Variants in C12orf60 observed in about 807,000 individuals in gnomAD.
The protein encoded by C12orf60 is uncharacterized protein C12orf60.
For synonymous variants in C12orf60, 102 were observed against 94.6 expected, an observed-to-expected ratio of 1.08 and a Z score of -0.45; for missense variants, 284 against 283.2, an observed-to-expected ratio of 1.00 and a Z score of -0.02.
intron 1 of C12orf60, among the ~76,000 whole-genome samples, chr12:14,812,443 CAA>C (rs1260022264): frequency 2.2e-5 from 3 of 138,776 alleles, no homozygotes; most frequent in Admixed American, 7.2e-5. Flanking sequence ...GACTCCGTCT[CAA>C]AAAAAAAAAA....
chr12:14,806,741 G>C lies in C12orf60; in HGVS notation c.-25+2990G>C, dbSNP rs1185906981. On this transcript the variant is annotated intron_variant, in intron 1 of 1. Coordinates refer to ENST00000330828, the MANE Select transcript of C12orf60 (RefSeq NM_175874.4). Reference sequence around the variant, plus strand: ...ATTTTTACTGAAAGTCTTAAAAAATGTCTGCTAACTGTGTAGAAGGGACTA... The same window carrying C: ...ATTTTTACTGAAAGTCTTAAAAAATCTCTGCTAACTGTGTAGAAGGGACTA... 7 of 1,495,570 alleles carry C rather than the reference G, an allele frequency of 4.7e-6. No individual in the cohort carries two copies. In the Admixed American group the frequency reaches 1.3e-4, roughly 28 times the overall value. The allele number at this position is 1,495,570 out of a possible 1,614,324, so 92.6% of individuals were successfully genotyped here. A position where few individuals can be genotyped will look rare whatever the true frequency, so the allele number is the denominator to read the frequency against.
rs199753169 is a variant in C12orf60 at position 14,823,615 on chromosome 12, A to G, written c.680A>G (p.Lys227Arg). 71 of 1,605,936 alleles carry G rather than the reference A, an allele frequency of 4.4e-5. No individual in the cohort carries two copies. The highest frequency in any genetic ancestry group is 5.7e-5 in the Non-Finnish European group (67 of 1,177,850). The change falls in exon 2 of 2, where the codon AAA becomes AGA. Residue 227 changes from lysine (K) to arginine (R), a missense_variant. By Grantham distance (26) the Lys-to-Arg change is conservative (BLOSUM62 2). Transcript: ENST00000330828. ...GGACCAATCTTAGAGATCCTCCAAAAAGCGATAAAGACTATGGAAATGAAT... is the reference window on the plus strand; with the variant it reads ...GGACCAATCTTAGAGATCCTCCAAAGAGCGATAAAGACTATGGAAATGAAT... The part of the protein sequence containing the change: ...AMGPILEILQ[K>R]AIKTMEMNIS...
chr12:14,812,679 T>A, intron 1 of C12orf60, among the ~76,000 whole-genome samples: 1 of 152,082 alleles, frequency 6.6e-6, no homozygotes, highest in East Asian at 1.9e-4. Flanking sequence ...GTATCGTAAA[T>A]TGCATTCCAA....
intron 1 of C12orf60, among the ~76,000 whole-genome samples, chr12:14,807,865 A>G (rs571951924): frequency 2.0e-5 from 3 of 152,298 alleles, no homozygotes; most frequent in South Asian, 2.1e-4. Context: ...CCATTTTACA[A>G]AAGTATTAAA....
chr12:14,810,046 T>G (rs1009126380), intron 1 of C12orf60, among the ~76,000 whole-genome samples: 1 of 152,244 alleles, frequency 6.6e-6, no homozygotes, highest in Non-Finnish European at 1.5e-5. Context: ...AGTTCATGAC[T>G]TCGTTCCAAT....
chr12:14,821,545 C>A (rs1272039818), intron 1 of C12orf60, among the ~76,000 whole-genome samples: 2 of 152,200 alleles, frequency 1.3e-5, no homozygotes, highest in Admixed American at 1.3e-4. Flanking sequence ...TTCACACAAT[C>A]TACTTAGAAT....
At chr12:14,806,151 C>G in intron 1 of C12orf60, 1 of 1,614,014 alleles carries the variant, frequency 6.2e-7, no homozygotes, top group East Asian at 2.2e-5. Flanking sequence ...CAGGATGGCA[C>G]GGACAATCAT....
At chr12:14,812,654 T>C (rs1336864389) in intron 1 of C12orf60, among the ~76,000 whole-genome samples, 1 of 152,158 alleles carries the variant, frequency 6.6e-6, no homozygotes, top group Non-Finnish European at 1.5e-5. Flanking sequence ...ATTAAATTTT[T>C]ATTACTTTTG....
chr12:14,814,232 T>TA, intron 1 of C12orf60: 1 of 152,220 alleles, frequency 6.6e-6, no homozygotes, highest in Admixed American at 6.5e-5. Context: ...TGTGATGACT[T>TA]ACAGACTTTG....
chr12:14,823,257 C>G lies in C12orf60; in HGVS notation c.322C>G (p.His108Asp). ...VQKSTNVEELHQSAKEVFKSA... is the reference protein window; with the variant it reads ...VQKSTNVEELDQSAKEVFKSA... Reference sequence around the variant, plus strand: ...GAAGAGTACCAATGTAGAGGAGTTGCATCAGTCAGCTAAAGAAGTATTCAA... The same window carrying G: ...GAAGAGTACCAATGTAGAGGAGTTGGATCAGTCAGCTAAAGAAGTATTCAA... The change falls in exon 2 of 2, where the codon CAT (histidine) becomes GAT (aspartate). Residue 108 changes from histidine (H) to aspartate (D), a missense_variant. Physicochemically the swap from His to Asp is moderately conservative, Grantham distance 81. Coordinates refer to ENST00000330828, the MANE Select transcript of C12orf60 (RefSeq NM_175874.4). 1 of 1,614,062 alleles carries G rather than the reference C, an allele frequency of 6.2e-7. No homozygotes were observed.
At position 14,806,131 on chromosome 12, in the gene C12orf60, C is replaced by G. The variant is rs767616071; in HGVS notation, c.-25+2380C>G. The G allele has an allele frequency of 5.0e-6, 8 of 1,614,094 alleles. No homozygotes were observed. The South Asian group carries it at 8.8e-5, about 18-fold the overall frequency. ...ATGGCTGCTTGAAGCTGTGTTTTTT[C>G]CACTGCTCCCAGGATGGCACGGACA... On this transcript the variant is annotated intron_variant, in intron 1 of 1. Coordinates refer to ENST00000330828, the MANE Select transcript of C12orf60 (RefSeq NM_175874.4).
chr12:14,808,834 A>G (rs945283924), intron 1 of C12orf60, among the ~76,000 whole-genome samples: 2 of 152,194 alleles, frequency 1.3e-5, no homozygotes, highest in Non-Finnish European at 2.9e-5. Flanking sequence ...TTTCCACAAA[A>G]CAATACTTAG....
intron 1 of C12orf60, chr12:14,806,708 A>C: frequency 6.5e-7 from 1 of 1,548,552 alleles, no homozygotes; most frequent in South Asian, 1.2e-5. Flanking sequence ...TGAAAAATAA[A>C]ATGGTAAATT....
chr12:14,819,253 C>G (rs979860958), intron 1 of C12orf60, among the ~76,000 whole-genome samples: 1 of 152,002 alleles, frequency 6.6e-6, no homozygotes, highest in Non-Finnish European at 1.5e-5. Flanking sequence ...ACAGATTATG[C>G]ACATATATTC....
intron 1 of C12orf60, among the ~76,000 whole-genome samples, chr12:14,815,258 T>G (rs945756001): frequency 2.6e-5 from 4 of 152,206 alleles, no homozygotes; most frequent in African/African-American, 9.7e-5. Flanking sequence ...CAGTGGATCA[T>G]CTTGCCCTTG....
intron 1 of C12orf60, among the ~76,000 whole-genome samples, chr12:14,809,920 A>G (rs2137261650): frequency 6.6e-6 from 1 of 152,356 alleles, no homozygotes; most frequent in South Asian, 2.1e-4. Context: ...GTCTTACTAG[A>G]AATCAAAGTG....
At chr12:14,805,149 C>CT (rs1435197763) in intron 1 of C12orf60, 1 of 152,172 alleles carries the variant, frequency 6.6e-6, no homozygotes, top group Non-Finnish European at 1.5e-5. Context: ...AAATTATATT[C>CT]TTTTTTCTGA....
chr12:14,807,895 G>T (rs1210027072), intron 1 of C12orf60, among the ~76,000 whole-genome samples: 2 of 152,186 alleles, frequency 1.3e-5, no homozygotes, highest in South Asian at 4.1e-4. Context: ...GCCGGGCATG[G>T]TGGCTCAGGC....
At chr12:14,806,120 C>A in intron 1 of C12orf60, 1 of 1,614,118 alleles carries the variant, frequency 6.2e-7, no homozygotes, top group Non-Finnish European at 8.5e-7. Context: ...CTGCTTGAAG[C>A]TGTGTTTTTT....
Sources: gnomAD v4.1 joint callset for allele counts (sites outside exome capture counted in the v4.1 genomes callset) on GRCh38, gnomAD v4.1.1 for gene constraint, MANE v1.5 for transcripts, NCBI Gene and HGNC (gene_info 2026-07-23, HGNC 2026-07-21) for gene names.